CNTN3: variants seen among roughly 807,000 people sequenced by gnomAD.
The protein encoded by CNTN3 is contactin-3.
In CNTN3, 60 loss-of-function variants were observed where a neutral mutation model predicts 119.1. The observed-to-expected ratio is 0.50, with a 90% CI of 0.41 to 0.62. The LOEUF (loss-of-function observed/expected upper bound fraction) is 0.62. Ranked by LOEUF, CNTN3 falls within the 20% of genes least tolerant of loss-of-function variation. The probability of loss-of-function intolerance (pLI) is 0.00; values close to 1 mark genes in which losing one functional copy is unlikely to be tolerated. For missense variants in CNTN3, 1,101 were observed against 1,242.4 expected (o/e 0.89, Z 1.71); for synonymous variants, 450 against 438.7 (o/e 1.03, Z -0.32).
chr3:74,292,031 C>T (rs543760521), intron 19 of CNTN3, among the ~76,000 whole-genome samples: 54 of 152,288 alleles, frequency 3.5e-4, no homozygotes, highest in African/African-American at 1.3e-3. Context: ...AATTTTCCTC[C>T]TGTGACCCTC....
chr3:74,372,237 C>G (rs1288610256), intron 5 of CNTN3, among the ~76,000 whole-genome samples: 1 of 152,078 alleles, frequency 6.6e-6, no homozygotes, highest in Non-Finnish European at 1.5e-5. Context: ...ATGAAACACT[C>G]AAAGGCACTT....
At chr3:74,373,824 T>C (rs796094007) in intron 5 of CNTN3, among the ~76,000 whole-genome samples, 4 of 152,248 alleles carry the variant, frequency 2.6e-5, no homozygotes, top group African/African-American at 9.6e-5. Flanking sequence ...GACTGACTGG[T>C]AGAAGAAGGA....
At position 74,469,975 on chromosome 3, in the gene CNTN3, C is replaced by T. The variant is rs544743790; in HGVS notation, c.358+16481G>A. On this transcript the variant is annotated intron_variant, in intron 4 of 22. Coordinates refer to ENST00000263665, the MANE Select transcript of CNTN3 (RefSeq NM_020872.3). Reference sequence around the variant, plus strand: ...CCCTAATAATCATCAACTAATAAATCGATAAACAGCATGTGATATAGCTAA... The same window carrying T: ...CCCTAATAATCATCAACTAATAAATTGATAAACAGCATGTGATATAGCTAA... 7.3e-4 allele frequency among the ~76,000 whole-genome samples: 111 copies of T among 152,214 alleles called. 2 individuals carry two copies. In the South Asian group the frequency reaches 0.019, roughly 26 times the overall value.
rs1267544178 is a variant in CNTN3 at position 74,263,164 on chromosome 3, C to G, written c.*1237G>C. 6.6e-6 allele frequency: 1 copy of G among 152,082 alleles called. No homozygotes were observed. The highest frequency in any genetic ancestry group is 1.5e-5 in the Non-Finnish European group (1 of 67,986). The allele number at this position is 152,082 out of a possible 1,614,324, so 9.4% of individuals were successfully genotyped here. On this transcript the variant is annotated 3_prime_UTR_variant, in exon 23 of 23. Transcript: ENST00000263665. Reference sequence around the variant, plus strand: ...CAATCTGCTGATTTTAATTTATTCTCTATATATTGCTATGAAGTCACGTCT... The same window carrying G: ...CAATCTGCTGATTTTAATTTATTCTGTATATATTGCTATGAAGTCACGTCT...
At chr3:74,593,663 T>C (rs991608140) in intron 1 of CNTN3, among the ~76,000 whole-genome samples, 45 of 152,068 alleles carry the variant, frequency 3.0e-4, no homozygotes, top group African/African-American at 9.9e-4. Flanking sequence ...ATGAGGAAAC[T>C]GAAGCTTAGT....
At chr3:74,530,008 G>A (rs1286207084) in intron 1 of CNTN3, among the ~76,000 whole-genome samples, 2 of 151,996 alleles carry the variant, frequency 1.3e-5, no homozygotes, top group Non-Finnish European at 2.9e-5. Context: ...CACTAGCCCA[G>A]ACCATTCTGT....
At chr3:74,552,172 A>G (rs1447641377) in intron 1 of CNTN3, among the ~76,000 whole-genome samples, 1 of 152,070 alleles carries the variant, frequency 6.6e-6, no homozygotes, top group Non-Finnish European at 1.5e-5. Flanking sequence ...TTATGGTTGT[A>G]CCACAATTTA....
chr3:74,381,060 T>TC (rs1704606891), intron 5 of CNTN3, among the ~76,000 whole-genome samples: 1 of 151,242 alleles, frequency 6.6e-6, no homozygotes. Flanking sequence ...ATTGTTTTTT[T>TC]TTTTCTCTCT....
chr3:74,590,709 C>A (rs1306171371), intron 1 of CNTN3, among the ~76,000 whole-genome samples: 2 of 152,016 alleles, frequency 1.3e-5, no homozygotes, highest in East Asian at 1.9e-4. Flanking sequence ...TCTGAGCTTA[C>A]AAATAATTAT....
intron 1 of CNTN3, among the ~76,000 whole-genome samples, chr3:74,611,656 G>A (rs574338429): frequency 3.9e-5 from 6 of 152,116 alleles, no homozygotes; most frequent in East Asian, 1.9e-4. Flanking sequence ...TTGCAACAAT[G>A]ATATTCTCCA....
intron 1 of CNTN3, among the ~76,000 whole-genome samples, chr3:74,525,805 A>G (rs1292346586): frequency 1.3e-5 from 2 of 151,906 alleles, no homozygotes; most frequent in Non-Finnish European, 2.9e-5. Context: ...CTCAAAACCA[A>G]AAATGCTCTA....
chr3:74,479,891 G>T (rs1433168584), intron 4 of CNTN3, among the ~76,000 whole-genome samples: 1 of 151,846 alleles, frequency 6.6e-6, no homozygotes, highest in Admixed American at 6.6e-5. Flanking sequence ...CCAAAAATTT[G>T]GCCAAAATTT....
chr3:74,369,493 A>G (rs1704282963), intron 7 of CNTN3, 120 bp from the exon 8 acceptor site: 1 of 651,504 alleles, frequency 1.5e-6, no homozygotes. Flanking sequence ...ACCACTTTCA[A>G]TGGTCAATTA....
intron 19 of CNTN3, among the ~76,000 whole-genome samples, chr3:74,291,696 T>A (rs72890599): frequency 6.6e-6 from 1 of 152,140 alleles, no homozygotes; most frequent in Non-Finnish European, 1.5e-5. Context: ...TTTATTTTCT[T>A]TAAATAAATT....
intron 13 of CNTN3, among the ~76,000 whole-genome samples, chr3:74,313,159 C>T (rs1328756291): frequency 6.6e-6 from 1 of 150,560 alleles, no homozygotes; most frequent in Non-Finnish European, 1.5e-5. Flanking sequence ...AAAAACAGAA[C>T]AGAATATGCA....
chr3:74,353,877 A>T (rs2106754417), intron 11 of CNTN3, among the ~76,000 whole-genome samples: 1 of 152,218 alleles, frequency 6.6e-6, no homozygotes, highest in Middle Eastern at 3.4e-3. Context: ...CAGTCATGTC[A>T]TCTCTCACAA....
At chr3:74,579,362 CT>C (rs1302050548) in intron 1 of CNTN3, among the ~76,000 whole-genome samples, 1 of 149,842 alleles carries the variant, frequency 6.7e-6, no homozygotes. Context: ...TCCCACCCCC[CT>C]CAAAAAAAAA....
At chr3:74,361,510 C>T in intron 11 of CNTN3, among the ~76,000 whole-genome samples, 1 of 152,180 alleles carries the variant, frequency 6.6e-6, no homozygotes, top group East Asian at 1.9e-4. Context: ...TATAGGATAA[C>T]AGCAATATTT....
chr3:74,548,740 T>C (rs987570652), intron 1 of CNTN3, among the ~76,000 whole-genome samples: 8 of 152,232 alleles, frequency 5.3e-5, no homozygotes, highest in Non-Finnish European at 1.2e-4. Flanking sequence ...ACCTGCTGTA[T>C]GCTGTTTCAC....
Sources: allele counts gnomAD v4.1 joint callset (sites outside exome capture counted in the v4.1 genomes callset), GRCh38; gene constraint gnomAD v4.1.1; transcripts MANE v1.5; gene names NCBI Gene and HGNC (gene_info 2026-07-23, HGNC 2026-07-21).